Variants in PKNOX2 observed in about 807,000 individuals in gnomAD.
PKNOX2 encodes the protein PBX/knotted 1 homeobox 2.
In PKNOX2, 14 loss-of-function variants were observed where a neutral mutation model predicts 53.1. The observed-to-expected ratio is 0.26, with a 90% CI of 0.17 to 0.41. The LOEUF (loss-of-function observed/expected upper bound fraction) is 0.41. Ranked by LOEUF, PKNOX2 falls within the 10% of genes least tolerant of loss-of-function variation. The pLI, the probability that PKNOX2 is intolerant of heterozygous loss-of-function variation, is 1.00. For missense variants in PKNOX2, 496 were observed against 602.8 expected, an observed-to-expected ratio of 0.82 and a Z score of 1.85; for synonymous variants, 257 against 242.8, an observed-to-expected ratio of 1.06 and a Z score of -0.54.
chr11:125,254,329 G>A (rs978232299), intron 2 of PKNOX2, among the ~76,000 whole-genome samples: 2 of 152,226 alleles, frequency 1.3e-5, no homozygotes, highest in African/African-American at 4.8e-5. Flanking sequence ...GTTCCTGGAG[G>A]TTCTACCCAG....
At position 125,411,739 on chromosome 11, in the gene PKNOX2, C is replaced by A; in HGVS notation, c.817-7C>A. On this transcript the variant is annotated splice_region_variant and splice_polypyrimidine_tract_variant and intron_variant, in intron 9 of 12. Coordinates refer to ENST00000298282, the MANE Select transcript of PKNOX2 (RefSeq NM_001382323.2). ...TGATGCTGATTTTCTCTCCACGTGCCCTGAAGGTTAACCTTGACCTCACCT... is the reference window on the plus strand; with the variant it reads ...TGATGCTGATTTTCTCTCCACGTGCACTGAAGGTTAACCTTGACCTCACCT... 1 of 1,613,986 alleles carries A rather than the reference C, an allele frequency of 6.2e-7. No individual in the cohort carries two copies. The highest frequency in any genetic ancestry group is 8.5e-7 in the Non-Finnish European group (1 of 1,179,922).
intron 1 of PKNOX2, chr11:125,189,892 G>A (rs888882013): frequency 1.3e-5 from 2 of 151,378 alleles, no homozygotes; most frequent in East Asian, 3.9e-4. Context: ...GTTTAAATCT[G>A]TTGTCCTAGT....
intron 2 of PKNOX2, among the ~76,000 whole-genome samples, chr11:125,281,715 C>T (rs1029665774): frequency 6.6e-6 from 1 of 152,216 alleles, no homozygotes; most frequent in African/African-American, 2.4e-5. Flanking sequence ...CCTGTAAAAT[C>T]CTGCTTGCCA....
intron 5 of PKNOX2, among the ~76,000 whole-genome samples, chr11:125,376,437 C>T (rs1172997118): frequency 2.6e-5 from 4 of 152,166 alleles, no homozygotes; most frequent in African/African-American, 9.7e-5. Context: ...AAGCAGAGGG[C>T]TGGACAAGCA....
intron 2 of PKNOX2, among the ~76,000 whole-genome samples, chr11:125,235,662 C>T (rs912339488): frequency 2.0e-5 from 3 of 152,252 alleles, no homozygotes; most frequent in Non-Finnish European, 4.4e-5. Flanking sequence ...CAAAAGTCTA[C>T]CCACCTGTGG....
intron 1 of PKNOX2, among the ~76,000 whole-genome samples, chr11:125,178,561 G>GGAAGGAAGGAAGGAAGGAAAGAAA (rs1565462235): frequency 9.7e-6 from 1 of 102,718 alleles, no homozygotes; most frequent in African/African-American, 6.5e-5. Context: ...AAGGAAGGAA[G>GGAAGGAAGGAAGGAAGGAAAGAAA]GAACGAAGGA....
At chr11:125,228,940 G>A (rs1345693717) in intron 1 of PKNOX2, among the ~76,000 whole-genome samples, 1 of 152,114 alleles carries the variant, frequency 6.6e-6, no homozygotes, top group Non-Finnish European at 1.5e-5. Context: ...CAGATTTGGG[G>A]GTGGGGAAAG....
intron 10 of PKNOX2, among the ~76,000 whole-genome samples, chr11:125,412,801 C>G (rs11220052): frequency 6.6e-6 from 1 of 152,130 alleles, no homozygotes; most frequent in Admixed American, 6.5e-5. Flanking sequence ...TGGGAAGAAT[C>G]AGGAGGAAGA....
intron 5 of PKNOX2, among the ~76,000 whole-genome samples, chr11:125,369,616 C>T (rs1422808509): frequency 6.6e-6 from 1 of 152,124 alleles, no homozygotes; most frequent in African/African-American, 2.4e-5. Flanking sequence ...ACAGAGGAGG[C>T]AATATTTGAG....
intron 1 of PKNOX2, among the ~76,000 whole-genome samples, chr11:125,193,463 C>A (rs1465523468): frequency 6.6e-6 from 1 of 152,156 alleles, no homozygotes; most frequent in Non-Finnish European, 1.5e-5. Flanking sequence ...TAAAGCGAGC[C>A]TTCTGTCCGT....
intron 1 of PKNOX2, among the ~76,000 whole-genome samples, chr11:125,188,453 T>C (rs548634166): frequency 3.9e-5 from 6 of 152,364 alleles, no homozygotes; most frequent in African/African-American, 9.6e-5. Flanking sequence ...GAGTGTGCCA[T>C]GGTAAAAAGG....
At chr11:125,375,490 A>G (rs755561538) in intron 5 of PKNOX2, among the ~76,000 whole-genome samples, 4 of 152,218 alleles carry the variant, frequency 2.6e-5, no homozygotes, top group Non-Finnish European at 5.9e-5. Flanking sequence ...TGGAGTTTGA[A>G]TACCTGGATT....
intron 2 of PKNOX2, among the ~76,000 whole-genome samples, chr11:125,269,892 GA>G (rs767064685): frequency 6.6e-6 from 1 of 152,130 alleles, no homozygotes; most frequent in Non-Finnish European, 1.5e-5. Flanking sequence ...GAGTTTCCTG[GA>G]AGTTGGGTTT....
intron 2 of PKNOX2, among the ~76,000 whole-genome samples, chr11:125,249,001 T>G (rs1368180090): frequency 6.8e-6 from 1 of 146,612 alleles, no homozygotes; most frequent in East Asian, 1.9e-4. Context: ...ATAACATACA[T>G]AATATATTAT....
Position 125,431,497 on chromosome 11 carries a change from T to A in PKNOX2, c.*105T>A. On this transcript the variant is annotated 3_prime_UTR_variant, in exon 13 of 13. Transcript: ENST00000298282. ...CATGGGCAGGAAGCACCGAGGGAGTTGGGCCCTAGCTTCCCCAAATCAGTA... is the reference window on the plus strand; with the variant it reads ...CATGGGCAGGAAGCACCGAGGGAGTAGGGCCCTAGCTTCCCCAAATCAGTA... 1.8e-6 allele frequency: 2 copies of A among 1,095,498 alleles called. No homozygotes were observed. The highest frequency in any genetic ancestry group is 2.5e-6 in the Non-Finnish European group (2 of 803,868). 67.9% of individuals were successfully genotyped at this position (1,095,498 alleles called of 1,614,324 possible). A position where few individuals can be genotyped will look rare whatever the true frequency, so the allele number is the denominator to read the frequency against.
chr11:125,387,563 C>G (rs1346801931), intron 6 of PKNOX2, among the ~76,000 whole-genome samples: 1 of 152,180 alleles, frequency 6.6e-6, no homozygotes, highest in African/African-American at 2.4e-5. Flanking sequence ...GGGTTCTGTT[C>G]ACTCAAAGAA....
intron 2 of PKNOX2, among the ~76,000 whole-genome samples, chr11:125,244,103 C>A (rs530884900): frequency 6.6e-6 from 1 of 152,240 alleles, no homozygotes; most frequent in South Asian, 2.1e-4. Context: ...GCACCCTGAG[C>A]TACAGGGCAA....
chr11:125,321,115 G>A (rs1055742713), intron 2 of PKNOX2, among the ~76,000 whole-genome samples: 12 of 152,194 alleles, frequency 7.9e-5, no homozygotes, highest in South Asian at 2.1e-4. Context: ...ATTAGAGTAC[G>A]GAAAGAGGGC....
intron 1 of PKNOX2, among the ~76,000 whole-genome samples, chr11:125,216,543 C>T (rs1940525229): frequency 6.6e-6 from 1 of 152,200 alleles, no homozygotes; most frequent in African/African-American, 2.4e-5. Context: ...CTTCCCACCC[C>T]TTTCCCTCTT....
Sources: gnomAD v4.1 joint callset for allele counts (sites outside exome capture counted in the v4.1 genomes callset) on GRCh38, gnomAD v4.1.1 for gene constraint, MANE v1.5 for transcripts, NCBI Gene and HGNC (gene_info 2026-07-23, HGNC 2026-07-21) for gene names.